Variants in POU6F2 observed in about 807,000 individuals in gnomAD.
POU6F2 encodes POU class 6 homeobox 2, also known as POU domain, class 6, transcription factor 2.
POU6F2 carries 31 observed loss-of-function variants against 71.3 expected under a neutral mutation model. The ratio of observed to expected loss-of-function variants is 0.43; its 90% CI spans 0.33 to 0.59. The LOEUF is 0.59. POU6F2 is among the 20% of genes least tolerant of loss of function. The pLI is 0.04. For synonymous variants in POU6F2, 347 were observed against 355.7 expected, an observed-to-expected ratio of 0.98 and a Z score of 0.27; for missense variants, 783 against 856.8, an observed-to-expected ratio of 0.91 and a Z score of 1.07.
intron 5 of POU6F2, among the ~76,000 whole-genome samples, chr7:39,402,299 A>G (rs1178747899): frequency 6.6e-6 from 1 of 152,214 alleles, no homozygotes; most frequent in African/African-American, 2.4e-5. Context: ...GAGATGCACA[A>G]AGTATATAGA....
intron 2 of POU6F2, among the ~76,000 whole-genome samples, chr7:39,106,204 C>A (rs961951000): frequency 4.6e-5 from 7 of 152,126 alleles, no homozygotes; most frequent in Non-Finnish European, 1.0e-4. Context: ...GAAGTTTTGT[C>A]ATTTACAGAA....
intron 5 of POU6F2, among the ~76,000 whole-genome samples, chr7:39,364,056 C>T (rs1245678719): frequency 6.6e-6 from 1 of 152,048 alleles, no homozygotes; most frequent in East Asian, 1.9e-4. Flanking sequence ...GTAGAGATCC[C>T]GTAGAGGGAG....
Position 39,339,805 on chromosome 7 carries a change from C to T in POU6F2, c.762C>T (p.Pro254=). ...SQQQPLQPTP[P]QQPPPASQQP... Reference sequence around the variant, plus strand: ...AGCAGCCGCTGCAGCCCACCCCACCCCAGCAGCCACCACCCGCCTCTCAGC... The same window carrying T: ...AGCAGCCGCTGCAGCCCACCCCACCTCAGCAGCCACCACCCGCCTCTCAGC... Residue 254 remains proline (P), a synonymous_variant, in exon 5 of 10, where the codon CCC becomes CCT. Transcript: ENST00000518318. The T allele has an allele frequency of 1.3e-6, 2 of 1,571,388 alleles. No individual in the cohort carries two copies. The highest frequency in any genetic ancestry group is 1.9e-5 in the Admixed American group (1 of 52,392).
chr7:39,064,063 A>G (rs1304917837), intron 1 of POU6F2, among the ~76,000 whole-genome samples: 2 of 152,178 alleles, frequency 1.3e-5, no homozygotes, highest in East Asian at 3.8e-4. Flanking sequence ...AACATCGTGA[A>G]GTAAATGGAT....
chr7:39,335,399 A>C (rs577708396), intron 4 of POU6F2, among the ~76,000 whole-genome samples: 22 of 152,344 alleles, frequency 1.4e-4, no homozygotes, highest in African/African-American at 5.1e-4. Flanking sequence ...CCGAACAAGC[A>C]GACCCTTCAA....
intron 2 of POU6F2, among the ~76,000 whole-genome samples, chr7:39,161,472 A>G (rs1436616748): frequency 6.6e-6 from 1 of 152,186 alleles, no homozygotes; most frequent in African/African-American, 2.4e-5. Context: ...CAGCTGTATG[A>G]CAGATATGTT....
intron 7 of POU6F2, among the ~76,000 whole-genome samples, chr7:39,445,178 T>C (rs1179505596): frequency 6.6e-6 from 1 of 152,212 alleles, no homozygotes; most frequent in African/African-American, 2.4e-5. Context: ...TTACTAATTT[T>C]CAAAAAAATC....
intron 7 of POU6F2, among the ~76,000 whole-genome samples, chr7:39,439,431 T>C (rs1166620353): frequency 6.6e-6 from 1 of 152,238 alleles, no homozygotes; most frequent in Non-Finnish European, 1.5e-5. Context: ...TTCACACTAG[T>C]TGATGCAGTT....
chr7:39,253,654 G>A lies in POU6F2; in HGVS notation c.598+46034G>A, dbSNP rs182646304. Among the ~76,000 whole-genome samples, 33 of 152,262 alleles carry A rather than the reference G, an allele frequency of 2.2e-4. No homozygotes were observed. The East Asian group carries it at 6.4e-3, about 29-fold the overall frequency. On this transcript the variant is annotated intron_variant, in intron 4 of 9. Transcript: ENST00000518318. Reference sequence around the variant, plus strand: ...TAGGTCACAATATTGAGAAGCTGAAGACCCCAGCGTCATGCAAAGTGGAGG... The same window carrying A: ...TAGGTCACAATATTGAGAAGCTGAAAACCCCAGCGTCATGCAAAGTGGAGG...
chr7:39,018,612 A>G (rs1789612704), intron 1 of POU6F2, among the ~76,000 whole-genome samples: 1 of 152,184 alleles, frequency 6.6e-6, no homozygotes, highest in African/African-American at 2.4e-5. Flanking sequence ...GTGGAATCAC[A>G]TAGGGGATTG....
At chr7:39,105,856 A>G (rs1269576047) in intron 2 of POU6F2, among the ~76,000 whole-genome samples, 1 of 152,210 alleles carries the variant, frequency 6.6e-6, no homozygotes, top group Non-Finnish European at 1.5e-5. Context: ...CCAGCCCTCC[A>G]GTACCCAGGG....
intron 4 of POU6F2, among the ~76,000 whole-genome samples, chr7:39,246,761 A>G (rs1297850355): frequency 6.7e-6 from 1 of 150,084 alleles, no homozygotes. Flanking sequence ...AATCTCATTC[A>G]TGAACCAGGA....
chr7:39,326,779 C>G (rs532310345), intron 4 of POU6F2, among the ~76,000 whole-genome samples: 85 of 152,198 alleles, frequency 5.6e-4, no homozygotes, highest in Non-Finnish European at 9.3e-4. Context: ...ATTTTCATAC[C>G]AAGCTCCTCA....
At chr7:38,999,875 A>G (rs1289197224) in intron 1 of POU6F2, among the ~76,000 whole-genome samples, 2 of 152,192 alleles carry the variant, frequency 1.3e-5, no homozygotes, top group African/African-American at 4.8e-5. Context: ...TCTGGTTATG[A>G]GATGTTCCTA....
chr7:39,259,065 T>C (rs1784083299), intron 4 of POU6F2, among the ~76,000 whole-genome samples: 1 of 152,228 alleles, frequency 6.6e-6, no homozygotes, highest in Non-Finnish European at 1.5e-5. Context: ...ATCATGATTG[T>C]TATTTGATAG....
chr7:39,298,416 A>G (rs1416060444), intron 4 of POU6F2, among the ~76,000 whole-genome samples: 1 of 152,232 alleles, frequency 6.6e-6, no homozygotes, highest in East Asian at 1.9e-4. Context: ...AAAAAGCTCA[A>G]CATCACTGAT....
intron 5 of POU6F2, among the ~76,000 whole-genome samples, chr7:39,391,332 T>C (rs1207250833): frequency 1.3e-5 from 2 of 152,180 alleles, no homozygotes; most frequent in Non-Finnish European, 2.9e-5. Flanking sequence ...AATAATTATA[T>C]GATCACCTCC....
At chr7:39,409,990 C>T (rs905229449) in intron 6 of POU6F2, among the ~76,000 whole-genome samples, 86 of 152,230 alleles carry the variant, frequency 5.6e-4, no homozygotes, top group Non-Finnish European at 2.4e-4. Flanking sequence ...GTGTGTCATT[C>T]ATTCAAAGAA....
At chr7:39,412,817 T>TTTTTTG (rs1787580285) in intron 6 of POU6F2, among the ~76,000 whole-genome samples, 1 of 105,882 alleles carries the variant, frequency 9.4e-6, no homozygotes, top group Non-Finnish European at 1.8e-5. Context: ...TTTTTTTTTT[T>TTTTTTG]TTGAGACGGA....
Sources: gnomAD v4.1 joint callset for allele counts (sites outside exome capture counted in the v4.1 genomes callset) on GRCh38, gnomAD v4.1.1 for gene constraint, MANE v1.5 for transcripts, NCBI Gene and HGNC (gene_info 2026-07-23, HGNC 2026-07-21) for gene names.